Variants in NRG3 observed in about 807,000 individuals in gnomAD.
NRG3 encodes the protein neuregulin 3.
A neutral mutation model predicts 66.9 loss-of-function variants in NRG3; 31 were observed. The observed-to-expected ratio is 0.46, with a 90% CI of 0.35 to 0.63. NRG3 has a LOEUF of 0.63. Ranked by LOEUF, NRG3 falls within the 20% of genes least tolerant of loss-of-function variation. NRG3 has a pLI of 0.00. For missense variants in NRG3, 910 were observed against 878.9 expected (o/e 1.04, Z -0.45); for synonymous variants, 393 against 359.4 (o/e 1.09, Z -1.06).
intron 2 of NRG3, among the ~76,000 whole-genome samples, chr10:82,674,239 A>T (rs902340566): frequency 6.6e-6 from 1 of 152,226 alleles, no homozygotes; most frequent in Non-Finnish European, 1.5e-5. Flanking sequence ...GGAATTAGTC[A>T]TCAAATGCCA....
intron 3 of NRG3, among the ~76,000 whole-genome samples, chr10:82,812,441 G>A (rs1305424020): frequency 6.6e-6 from 1 of 152,214 alleles, no homozygotes; most frequent in African/African-American, 2.4e-5. Context: ...ATTTTGACAT[G>A]AAGCAAAATA....
At chr10:82,181,311 C>G (rs1318845097) in intron 1 of NRG3, among the ~76,000 whole-genome samples, 1 of 151,066 alleles carries the variant, frequency 6.6e-6, no homozygotes, top group Non-Finnish European at 1.5e-5. Flanking sequence ...TGGTCTTTTC[C>G]TAGTTTATCA....
rs773471294 is a variant in NRG3 at position 82,358,724 on chromosome 10, T to C, written c.824-15T>C. On this transcript the variant is annotated splice_polypyrimidine_tract_variant and intron_variant, in intron 1 of 8. Transcript: ENST00000372141. ...GTACTGCTGACAGCGTTTCCCCCTG[T>C]GCTTTCCCTGACAGATACGACGACA... 1 of 1,614,042 alleles carries C rather than the reference T, an allele frequency of 6.2e-7. No homozygotes were observed. The highest frequency in any genetic ancestry group is 1.1e-5 in the South Asian group (1 of 91,084).
At chr10:82,794,196 A>G (rs1298860085) in intron 3 of NRG3, among the ~76,000 whole-genome samples, 2 of 152,136 alleles carry the variant, frequency 1.3e-5, no homozygotes, top group African/African-American at 4.8e-5. Flanking sequence ...ATCCTATCTC[A>G]TTCATAATGG....
At chr10:82,492,630 G>A (rs1054986875) in intron 2 of NRG3, among the ~76,000 whole-genome samples, 1 of 152,214 alleles carries the variant, frequency 6.6e-6, no homozygotes, top group African/African-American at 2.4e-5. Flanking sequence ...AACAGAGTTT[G>A]CAAGTAGAGA....
intron 1 of NRG3, among the ~76,000 whole-genome samples, chr10:82,113,025 A>G (rs1442618534): frequency 6.6e-6 from 1 of 152,194 alleles, no homozygotes; most frequent in African/African-American, 2.4e-5. Context: ...TTTCTGAAAC[A>G]AATCATTTCT....
At chr10:82,193,004 A>T (rs906486741) in intron 1 of NRG3, among the ~76,000 whole-genome samples, 1 of 150,828 alleles carries the variant, frequency 6.6e-6, no homozygotes, top group African/African-American at 2.4e-5. Context: ...AGAGTTTGTG[A>T]GGTGTGCTGG....
intron 1 of NRG3, among the ~76,000 whole-genome samples, chr10:82,346,473 T>G (rs1452721786): frequency 6.7e-6 from 1 of 149,496 alleles, no homozygotes; most frequent in Non-Finnish European, 1.5e-5. Flanking sequence ...TTGCCAGTAT[T>G]TTATTGAGGA....
intron 2 of NRG3, among the ~76,000 whole-genome samples, chr10:82,540,211 TC>T (rs2043443409): frequency 1.3e-5 from 2 of 151,918 alleles, no homozygotes; most frequent in African/African-American, 4.8e-5. Context: ...TATTCAGTTA[TC>T]CCAGTTATCC....
intron 2 of NRG3, among the ~76,000 whole-genome samples, chr10:82,675,165 G>C (rs1005665429): frequency 4.6e-5 from 7 of 151,878 alleles, no homozygotes; most frequent in African/African-American, 1.5e-4. Flanking sequence ...CTATGTTGAC[G>C]AGGCTGCTCT....
intron 1 of NRG3, among the ~76,000 whole-genome samples, chr10:82,099,724 A>C (rs1447496676): frequency 2.0e-5 from 3 of 152,116 alleles, no homozygotes; most frequent in African/African-American, 7.2e-5. Context: ...TAATATCAAC[A>C]CTTTGGGAGA....
intron 2 of NRG3, among the ~76,000 whole-genome samples, chr10:82,670,942 G>A (rs940857870): frequency 2.6e-5 from 4 of 152,126 alleles, no homozygotes; most frequent in Non-Finnish European, 4.4e-5. Context: ...TCCTTAGAGG[G>A]TTGAACAAGA....
At chr10:82,492,419 C>T (rs10884794) in intron 2 of NRG3, among the ~76,000 whole-genome samples, 8,497 of 152,192 alleles carry the variant, frequency 0.056, 516 homozygotes, top group East Asian at 0.17. Context: ...TTAAGTAACA[C>T]TCTCTGGTGA....
chr10:82,225,078 T>C (rs2133818122), intron 1 of NRG3, among the ~76,000 whole-genome samples: 1 of 152,180 alleles, frequency 6.6e-6, no homozygotes, highest in Admixed American at 6.5e-5. Flanking sequence ...AAAATTGTTG[T>C]TTCAAATGTG....
chr10:82,645,303 C>A (rs938614180), intron 2 of NRG3, among the ~76,000 whole-genome samples: 1 of 152,160 alleles, frequency 6.6e-6, no homozygotes, highest in African/African-American at 2.4e-5. Context: ...GGTGTGAGAT[C>A]ATTTGATTTG....
intron 2 of NRG3, among the ~76,000 whole-genome samples, chr10:82,582,779 T>C (rs1279544932): frequency 2.0e-5 from 3 of 151,986 alleles, no homozygotes; most frequent in Non-Finnish European, 2.9e-5. Context: ...TATGACAAAA[T>C]AGTTTACATT....
At chr10:82,849,146 G>T (rs751577295) in intron 3 of NRG3, among the ~76,000 whole-genome samples, 5 of 152,136 alleles carry the variant, frequency 3.3e-5, no homozygotes, top group Admixed American at 6.5e-5. Context: ...TTATCAAAAG[G>T]GGAAATTTGG....
chr10:82,333,203 A>C (rs1159934237), intron 1 of NRG3, among the ~76,000 whole-genome samples: 1 of 152,314 alleles, frequency 6.6e-6, no homozygotes, highest in Admixed American at 6.5e-5. Context: ...AAGATGAGCA[A>C]GTTATGGCCC....
At chr10:82,285,041 A>T (rs1472490076) in intron 1 of NRG3, among the ~76,000 whole-genome samples, 1 of 152,188 alleles carries the variant, frequency 6.6e-6, no homozygotes, top group Non-Finnish European at 1.5e-5. Flanking sequence ...CCTGTTTCTA[A>T]CTTTTATTTG....
Sources: allele counts gnomAD v4.1 joint callset (sites outside exome capture counted in the v4.1 genomes callset), GRCh38; gene constraint gnomAD v4.1.1; transcripts MANE v1.5; gene names NCBI Gene and HGNC (gene_info 2026-07-23, HGNC 2026-07-21).